The following SPON2 variants were observed in gnomAD, a reference collection of about 807,000 sequenced individuals.
The protein encoded by SPON2 is spondin-2.
A neutral mutation model predicts 29.9 loss-of-function variants in SPON2; 32 were observed. The observed-to-expected ratio is 1.07, with a 90% CI of 0.81 to 1.44. SPON2 has a LOEUF of 1.44. Among genes scored for constraint, SPON2 ranks in the 40% most tolerant of loss-of-function variants. The probability of loss-of-function intolerance (pLI) is 0.00; values close to 1 mark genes in which losing one functional copy is unlikely to be tolerated. For missense variants in SPON2, 541 were observed against 455.5 expected (o/e 1.19, Z -1.71); for synonymous variants, 248 against 209.1 (o/e 1.19, Z -1.61).
Position 1,167,414 on chromosome 4 carries a change from C to A in SPON2, c.*58G>T. On this transcript the variant is annotated 3_prime_UTR_variant, in exon 6 of 6. Coordinates refer to ENST00000290902, the MANE Select transcript of SPON2 (RefSeq NM_012445.4). ...CGGCCGCCTGCAGCATGAGCCTGCA[C>A]AGGAGCCCCCGACACCCCATGGCTC... The A allele has an allele frequency of 6.5e-7, 1 of 1,549,824 alleles. No individual in the cohort carries two copies. The highest frequency in any genetic ancestry group is 8.8e-7 in the Non-Finnish European group (1 of 1,141,134).
chr4:1,170,846 C>G (rs1172101591), intron 4 of SPON2, 153 bp downstream of exon 4: 1 of 1,157,486 alleles, frequency 8.6e-7, no homozygotes, highest in Non-Finnish European at 1.3e-6. Flanking sequence ...GCTGCACCCC[C>G]TTGCTCACTG....
At chr4:1,194,910 G>GCAGCCGGCGGCTCCCACCTCA (rs1728013704) in intron 1 of SPON2, 1 of 90,832 alleles carries the variant, frequency 1.1e-5, no homozygotes, top group Non-Finnish European at 2.2e-5. Context: ...CTCCAACCCC[G>GCAGCCGGCGGCTCCCACCTCA]CAGCCGGCGG....
chr4:1,170,779 C>T lies in SPON2; in HGVS notation c.637-203G>A. On this transcript the variant is annotated intron_variant, in intron 4 of 5. Coordinates refer to ENST00000290902, the MANE Select transcript of SPON2 (RefSeq NM_012445.4). ...AGGAAGGGGCAGCCTCCTCGGGACGCGCGTCCCGCTGTCCTCCCTGCGGTG... is the reference window on the plus strand; with the variant it reads ...AGGAAGGGGCAGCCTCCTCGGGACGTGCGTCCCGCTGTCCTCCCTGCGGTG... 5 of 941,798 alleles carry T rather than the reference C, an allele frequency of 5.3e-6. 1 individual carries two copies. The highest frequency in any genetic ancestry group is 8.3e-6 in the Non-Finnish European group (5 of 601,946). The allele number at this position is 941,798 out of a possible 1,614,324, so 58.3% of individuals were successfully genotyped here.
At position 1,167,387 on chromosome 4, in the gene SPON2, C is replaced by T. The variant is rs866188321; in HGVS notation, c.*85G>A. 4.9e-6 allele frequency: 7 copies of T among 1,423,186 alleles called. No individual in the cohort carries two copies. Among genetic ancestry groups the T allele is most frequent in the Middle Eastern group, 2.5e-4 (1 of 4,014 alleles). 88.2% of individuals were successfully genotyped at this position (1,423,186 alleles called of 1,614,324 possible). ...GGAGCAGCGCGAAACCCCCTGTGCC[C>T]TCGGCCGCCTGCAGCATGAGCCTGC... On this transcript the variant is annotated 3_prime_UTR_variant, in exon 6 of 6. Transcript: ENST00000290902.
intron 1 of SPON2, among the ~76,000 whole-genome samples, chr4:1,185,487 C>T (rs1293998951): frequency 6.6e-6 from 1 of 151,286 alleles, no homozygotes; most frequent in Admixed American, 6.6e-5. Flanking sequence ...GCGAGCGGAT[C>T]ACCTGAGGTC....
Position 1,167,302 on chromosome 4 carries a change from G to A in SPON2, c.*170C>T. On this transcript the variant is annotated 3_prime_UTR_variant, in exon 6 of 6. Coordinates refer to ENST00000290902, the MANE Select transcript of SPON2 (RefSeq NM_012445.4). ...AGGAGGAGGCTGTTTCCCAATGCCCGTGCCGGCCACCAGAGGGCCCTTCAG... is the reference window on the plus strand; with the variant it reads ...AGGAGGAGGCTGTTTCCCAATGCCCATGCCGGCCACCAGAGGGCCCTTCAG... The A allele has an allele frequency of 3.1e-6, 2 of 642,908 alleles. No individual in the cohort carries two copies. Among genetic ancestry groups the A allele is most frequent in the South Asian group, 2.4e-5 (1 of 41,480 alleles). The allele number at this position is 642,908 out of a possible 1,614,324, so 39.8% of individuals were successfully genotyped here. A position where few individuals can be genotyped will look rare whatever the true frequency, so the allele number is the denominator to read the frequency against.
chr4:1,203,932 G>A (rs183596986), intron 1 of SPON2, among the ~76,000 whole-genome samples: 1 of 152,086 alleles, frequency 6.6e-6, no homozygotes, highest in Non-Finnish European at 1.5e-5. Flanking sequence ...GTGCAGTGGC[G>A]CGATCTCAGC....
intron 1 of SPON2, among the ~76,000 whole-genome samples, chr4:1,186,154 G>A (rs1328494463): frequency 6.6e-6 from 1 of 150,540 alleles, no homozygotes; most frequent in Non-Finnish European, 1.5e-5. Flanking sequence ...TGAGGCAGGA[G>A]AATGGTGTGA....
intron 1 of SPON2, among the ~76,000 whole-genome samples, chr4:1,189,638 CAAA>C (rs61543201): frequency 2.2e-4 from 13 of 60,264 alleles, no homozygotes; most frequent in Middle Eastern, 0.033. Flanking sequence ...GACCCTGTCT[CAAA>C]AAAAAAAAAA....
intron 5 of SPON2, among the ~76,000 whole-genome samples, chr4:1,169,478 C>T (rs1398842283): frequency 6.6e-6 from 1 of 152,170 alleles, no homozygotes; most frequent in African/African-American, 2.4e-5. Context: ...TCCCGCCAGC[C>T]AGGCGGCCTC....
upstream of SPON2, among the ~76,000 whole-genome samples, chr4:1,177,289 T>C (rs1383658): frequency 0.96 from 145,985 of 152,326 alleles, 70,243 homozygotes; most frequent in South Asian, 1. Flanking sequence ...GTGCCTGCTG[T>C]GGTTGGGTAA....
At chr4:1,197,497 G>A (rs1576997855), upstream of SPON2, among the ~76,000 whole-genome samples, 1 of 152,080 alleles carries the variant, frequency 6.6e-6, no homozygotes. Context: ...CATAAATATC[G>A]AGGACTCAGC....
intron 1 of SPON2, among the ~76,000 whole-genome samples, chr4:1,193,814 TGGGGGGGTGGCGTG>T (rs1727971122): frequency 1.0e-4 from 1 of 10,006 alleles, no homozygotes. Context: ...GGGAAGGACG[TGGGGGGGTGGCGTG>T]GGAAGGACGT....
At chr4:1,176,817 A>G (rs1727610243), upstream of SPON2, among the ~76,000 whole-genome samples, 1 of 152,202 alleles carries the variant, frequency 6.6e-6, no homozygotes, top group South Asian at 2.1e-4. Flanking sequence ...AATCATCCAC[A>G]GTTCATTCAT....
intron 1 of SPON2, among the ~76,000 whole-genome samples, chr4:1,181,602 T>G (rs1727702110): frequency 6.6e-6 from 1 of 152,198 alleles, no homozygotes; most frequent in Non-Finnish European, 1.5e-5. Context: ...TGGAGTCTAT[T>G]GGATTGCAGC....
rs564587881 is a variant in SPON2 at position 1,204,491 on chromosome 4, G to A, written c.-234+3389C>T. Among the ~76,000 whole-genome samples, 4 of 152,300 alleles carry A rather than the reference G, an allele frequency of 2.6e-5. No homozygotes were observed. In the East Asian group the frequency reaches 7.7e-4, roughly 29 times the overall value. On this transcript the variant is annotated intron_variant, in intron 1 of 3. Coordinates refer to the SPON2 transcript ENST00000509233. ...CTTTTGGCGTGTCTGTAATGCCTGC[G>A]TGTTCACCGTTCGCATTGTTACTGT...
chr4:1,188,254 A>G (rs1727843313), intron 1 of SPON2, among the ~76,000 whole-genome samples: 1 of 151,580 alleles, frequency 6.6e-6, no homozygotes, highest in South Asian at 2.1e-4. Context: ...GAAATGAGAC[A>G]CTAGGAAATA....
rs372312414 is a variant in SPON2 at position 1,167,445 on chromosome 4, G to T, written c.*27C>A. 3,285 of 1,598,850 alleles carry T rather than the reference G, an allele frequency of 2.1e-3. 90 individuals are homozygous for T. The South Asian group carries it at 0.035, about 17-fold the overall frequency. ...CCCCCGACACCCCATGGCTCCGGGG[G>T]GCCCCAGGGGCTGCGGGGCTCTGGT... On this transcript the variant is annotated 3_prime_UTR_variant, in exon 6 of 6. Coordinates refer to ENST00000290902, the MANE Select transcript of SPON2 (RefSeq NM_012445.4).
At chr4:1,172,169 A>G in intron 1 of SPON2, 95 bp from the exon 2 acceptor site, 3 of 1,119,154 alleles carry the variant, frequency 2.7e-6, no homozygotes, top group East Asian at 2.5e-5. Context: ...GGCTCTGAGG[A>G]CGGCCCCGAG....
Sources: gnomAD v4.1 joint callset for allele counts (sites outside exome capture counted in the v4.1 genomes callset) on GRCh38, gnomAD v4.1.1 for gene constraint, MANE v1.5 for transcripts, NCBI Gene and HGNC (gene_info 2026-07-23, HGNC 2026-07-21) for gene names.